The following DNAAF4 variants were observed in gnomAD, a reference collection of about 807,000 sequenced individuals.
DNAAF4 encodes dynein assembly factor 4, axonemal.
DNAAF4 carries 43 observed loss-of-function variants against 51.8 expected under a neutral mutation model. That is an observed-to-expected ratio of 0.83 (90% CI 0.65 to 1.07). The LOEUF (loss-of-function observed/expected upper bound fraction) is 1.07, where lower values mean the gene tolerates loss of function less well. Among genes scored for constraint, DNAAF4 ranks in the 50% least tolerant of loss-of-function variants. The probability of loss-of-function intolerance (pLI) is 0.00; values close to 1 mark genes in which losing one functional copy is unlikely to be tolerated. For missense variants in DNAAF4, 581 were observed against 493.0 expected (o/e 1.18, Z -1.69); for synonymous variants, 194 against 165.6 (o/e 1.17, Z -1.32).
chr15:55,477,190 GAA>G (rs1027722304), intron 4 of DNAAF4, among the ~76,000 whole-genome samples: 15 of 151,814 alleles, frequency 9.9e-5, no homozygotes, highest in African/African-American at 3.4e-4. Flanking sequence ...AATAAAAAAA[GAA>G]AAGAGTTCTG....
downstream of DNAAF4, chr15:55,430,240 C>G (rs1167541605): frequency 2.8e-6 from 1 of 358,510 alleles, no homozygotes; most frequent in Non-Finnish European, 3.9e-6. Flanking sequence ...AACGGACAAC[C>G]TGTCAATATT....
At position 55,494,123 on chromosome 15, in the gene DNAAF4, G is replaced by A. The variant is rs959472873; in HGVS notation, c.272-2867C>T. On this transcript the variant is annotated intron_variant, in intron 3 of 9. Transcript: ENST00000321149. Reference sequence around the variant, plus strand: ...CGGCTCACCGCAACCTCCGCCTCCCGGGTTAAAGTGATTCTCCTGCCTCAG... The same window carrying A: ...CGGCTCACCGCAACCTCCGCCTCCCAGGTTAAAGTGATTCTCCTGCCTCAG... 2.7e-5 allele frequency among the ~76,000 whole-genome samples: 4 copies of A among 150,836 alleles called. No individual in the cohort carries two copies. In the East Asian group the frequency reaches 5.9e-4, roughly 22 times the overall value.
At chr15:55,476,067 T>C (rs560682642) in intron 4 of DNAAF4, among the ~76,000 whole-genome samples, 107 of 152,348 alleles carry the variant, frequency 7.0e-4, no homozygotes, top group African/African-American at 2.5e-3. Context: ...ATTCTATATT[T>C]AGCAAAACTA....
intron 3 of DNAAF4, among the ~76,000 whole-genome samples, chr15:55,491,805 T>C (rs925945323): frequency 7.0e-6 from 1 of 143,234 alleles, no homozygotes; most frequent in Non-Finnish European, 1.5e-5. Flanking sequence ...TTATATATAA[T>C]ATTTTATATA....
At chr15:55,462,028 T>C (rs1033483167) in intron 5 of DNAAF4, among the ~76,000 whole-genome samples, 1 of 152,040 alleles carries the variant, frequency 6.6e-6, no homozygotes, top group African/African-American at 2.4e-5. Flanking sequence ...CTAGAAAACC[T>C]ACAGGAGATG....
chr15:55,443,368 C>T (rs938765591), intron 6 of DNAAF4: 83 of 710,222 alleles, frequency 1.2e-4, no homozygotes, highest in South Asian at 8.7e-4. Context: ...GGCTCAGGGC[C>T]GTGCAGGCCG....
At chr15:55,442,612 T>C (rs2057731958) in intron 6 of DNAAF4, 6 of 1,485,122 alleles carry the variant, frequency 4.0e-6, no homozygotes, top group Non-Finnish European at 3.8e-6. Flanking sequence ...GAGAATGAGA[T>C]GGAGTTCACC....
At chr15:55,426,036 G>A (rs2057427978), downstream of DNAAF4, among the ~76,000 whole-genome samples, 1 of 152,182 alleles carries the variant, frequency 6.6e-6, no homozygotes, top group Non-Finnish European at 1.5e-5. Context: ...AGTTTTTAAG[G>A]ACAACTTGGT....
At chr15:55,450,923 C>T (rs918973962) in intron 5 of DNAAF4, among the ~76,000 whole-genome samples, 4 of 152,122 alleles carry the variant, frequency 2.6e-5, no homozygotes, top group Non-Finnish European at 5.9e-5. Context: ...CATGATGAAA[C>T]CCTGTCTCTA....
Position 55,435,159 on chromosome 15 carries a change from T to C in DNAAF4, c.894-101A>G, listed in dbSNP as rs187294013. On this transcript the variant is annotated intron_variant, in intron 7 of 9. Transcript: ENST00000321149. Reference sequence around the variant, plus strand: ...TGACAAAGAGGATGGCTTACCTCTTTTTGCATTCTCTTTAGGGTAAACGTT... The same window carrying C: ...TGACAAAGAGGATGGCTTACCTCTTCTTGCATTCTCTTTAGGGTAAACGTT... The C allele has an allele frequency of 2.3e-3, 3,034 of 1,291,872 alleles. 7 individuals carry two copies. The highest frequency in any genetic ancestry group is 2.9e-3 in the Non-Finnish European group (2,735 of 949,624). The allele number at this position is 1,291,872 out of a possible 1,614,324, so 80.0% of individuals were successfully genotyped here.
chr15:55,483,660 C>A (rs1296229758), intron 4 of DNAAF4, among the ~76,000 whole-genome samples: 1 of 151,748 alleles, frequency 6.6e-6, no homozygotes. Context: ...CCTGCCTCAG[C>A]CTCCGGAGTA....
intron 5 of DNAAF4, among the ~76,000 whole-genome samples, chr15:55,456,616 A>G (rs1277721723): frequency 6.6e-6 from 1 of 152,178 alleles, no homozygotes; most frequent in African/African-American, 2.4e-5. Context: ...GGAAAACTGA[A>G]AGAATTCACA....
chr15:55,500,673 G>T (rs1468356882), intron 1 of DNAAF4, among the ~76,000 whole-genome samples: 1 of 152,106 alleles, frequency 6.6e-6, no homozygotes, highest in African/African-American at 2.4e-5. Context: ...TAAACTTTTA[G>T]ACTCTGAATG....
intron 4 of DNAAF4, among the ~76,000 whole-genome samples, chr15:55,476,883 C>A (rs571321223): frequency 5.9e-4 from 90 of 152,114 alleles, no homozygotes; most frequent in African/African-American, 2.1e-3. Flanking sequence ...GAAATGAGTT[C>A]TGGAGGGCCA....
chr15:55,497,459 G>T (rs2058655916), intron 3 of DNAAF4, among the ~76,000 whole-genome samples: 2 of 151,988 alleles, frequency 1.3e-5, no homozygotes, highest in African/African-American at 4.8e-5. Flanking sequence ...ATTTAGCCGG[G>T]CGTGGTGGCG....
At chr15:55,444,254 C>G (rs1170015957) in intron 6 of DNAAF4, among the ~76,000 whole-genome samples, 5 of 152,200 alleles carry the variant, frequency 3.3e-5, no homozygotes, top group Non-Finnish European at 7.3e-5. Context: ...TTTCAGCTTT[C>G]TACATATGGC....
chr15:55,456,082 C>CT (rs772918466), intron 5 of DNAAF4, among the ~76,000 whole-genome samples: 1,514 of 141,332 alleles, frequency 0.011, 12 homozygotes, highest in Non-Finnish European at 0.016. Context: ...CTAAATATTT[C>CT]TTTTTTTTTT....
At chr15:55,457,940 C>T (rs1388910339) in intron 5 of DNAAF4, among the ~76,000 whole-genome samples, 1 of 152,142 alleles carries the variant, frequency 6.6e-6, no homozygotes, top group Non-Finnish European at 1.5e-5. Flanking sequence ...AGGGCAATAA[C>T]AATCACTGCA....
chr15:55,431,654 AT>A (rs1283507985), intron 9 of DNAAF4, among the ~76,000 whole-genome samples: 1 of 151,616 alleles, frequency 6.6e-6, no homozygotes, highest in Non-Finnish European at 1.5e-5. Context: ...TTGTTTTTGT[AT>A]TTTTAGTAGA....
Sources: gnomAD v4.1 joint callset for allele counts (sites outside exome capture counted in the v4.1 genomes callset) on GRCh38, gnomAD v4.1.1 for gene constraint, MANE v1.5 for transcripts, NCBI Gene and HGNC (gene_info 2026-07-23, HGNC 2026-07-21) for gene names.